The following TAF3 variants were observed in gnomAD, a reference collection of about 807,000 sequenced individuals.
TAF3 encodes the protein transcription initiation factor TFIID subunit 3.
A neutral mutation model predicts 80.6 loss-of-function variants in TAF3; 7 were observed. That is an observed-to-expected ratio of 0.09 (90% confidence interval 0.05 to 0.16). The LOEUF is 0.16. Ranked by LOEUF, TAF3 falls within the 10% of genes least tolerant of loss-of-function variation. The pLI, the probability that TAF3 is intolerant of heterozygous loss-of-function variation, is 1.00. For synonymous variants in TAF3, 444 were observed against 446.1 expected (o/e 1.00, Z 0.06); for missense variants, 921 against 1,140.2 (o/e 0.81, Z 2.77).
chr10:7,916,296 A>G (rs1837711667), intron 2 of TAF3, among the ~76,000 whole-genome samples: 1 of 152,238 alleles, frequency 6.6e-6, no homozygotes, highest in African/African-American at 2.4e-5. Context: ...TAAGTTGCAT[A>G]CATGCATAAA....
intron 2 of TAF3, among the ~76,000 whole-genome samples, chr10:7,899,407 C>T (rs537704491): frequency 1.7e-4 from 26 of 152,290 alleles, no homozygotes; most frequent in African/African-American, 5.5e-4. Context: ...AGGGACCTGG[C>T]GCCTCTGATC....
chr10:7,883,090 A>G (rs1000695204), intron 2 of TAF3, among the ~76,000 whole-genome samples: 8 of 152,222 alleles, frequency 5.3e-5, no homozygotes, highest in Non-Finnish European at 1.0e-4. Context: ...CTGTCATCCA[A>G]TCCACAAGCT....
At position 7,856,294 on chromosome 10, in the gene TAF3, G is replaced by T. The variant is rs188297256; in HGVS notation, c.409+31734G>T. Among the ~76,000 whole-genome samples, 1,245 of 152,178 alleles carry T rather than the reference G, an allele frequency of 8.2e-3. 20 individuals are homozygous for T. The highest frequency in any genetic ancestry group is 0.028 in the African/African-American group (1,165 of 41,520). ...AGTTCGAGACCAGCCTGGCCAGCAT[G>T]GTGAAACCCCGTCTCTACTAAAAAT... On this transcript the variant is annotated intron_variant, in intron 2 of 6. Transcript: ENST00000344293.
chr10:7,986,141 T>TC (rs988915973), intron 4 of TAF3, among the ~76,000 whole-genome samples: 6 of 152,116 alleles, frequency 3.9e-5, no homozygotes, highest in African/African-American at 1.4e-4. Context: ...TTATTTTTTT[T>TC]CCCCCTTCTT....
At chr10:8,001,702 T>C (rs1831944692) in intron 4 of TAF3, among the ~76,000 whole-genome samples, 1 of 152,160 alleles carries the variant, frequency 6.6e-6, no homozygotes, top group Admixed American at 6.5e-5. Flanking sequence ...ATTTTTATGG[T>C]TTTGTTTTCT....
At chr10:7,858,279 A>G (rs1837102939) in intron 2 of TAF3, among the ~76,000 whole-genome samples, 1 of 152,204 alleles carries the variant, frequency 6.6e-6, no homozygotes, top group Admixed American at 6.5e-5. Context: ...GCAGGTCATC[A>G]AAGAAGTGAG....
At chr10:7,879,658 T>A (rs938164621) in intron 2 of TAF3, among the ~76,000 whole-genome samples, 3 of 152,194 alleles carry the variant, frequency 2.0e-5, no homozygotes, top group Admixed American at 2.0e-4. Flanking sequence ...TTTTAGGATA[T>A]TTAGTATTTC....
chr10:7,822,517 T>C (rs1207615920), intron 1 of TAF3, among the ~76,000 whole-genome samples: 1 of 151,912 alleles, frequency 6.6e-6, no homozygotes, highest in Non-Finnish European at 1.5e-5. Context: ...TGCAGAAGTA[T>C]GTGGAGTTAG....
At chr10:7,974,689 C>G (rs1831653436) in intron 3 of TAF3, among the ~76,000 whole-genome samples, 1 of 151,940 alleles carries the variant, frequency 6.6e-6, no homozygotes, top group Non-Finnish European at 1.5e-5. Flanking sequence ...AGAAAACAGA[C>G]AATGAAGTGA....
At chr10:7,986,478 A>G (rs539275099) in intron 4 of TAF3, among the ~76,000 whole-genome samples, 1 of 152,326 alleles carries the variant, frequency 6.6e-6, no homozygotes, top group Non-Finnish European at 1.5e-5. Context: ...GGCAAAAACT[A>G]TCTAATAGAA....
At chr10:7,889,862 T>G (rs762351787) in intron 2 of TAF3, among the ~76,000 whole-genome samples, 7 of 152,156 alleles carry the variant, frequency 4.6e-5, no homozygotes, top group Non-Finnish European at 8.8e-5. Context: ...AAATATTAAA[T>G]TCATATTATT....
chr10:7,986,563 A>G lies in TAF3; in HGVS notation c.2315+9240A>G, dbSNP rs138418184. ...AAAGATAAATGTCTTCTTAGCTCCA[A>G]AAGTTTCCCAAGCTGAACAAAACCA... On this transcript the variant is annotated intron_variant, in intron 4 of 6. Coordinates refer to ENST00000344293, the MANE Select transcript of TAF3 (RefSeq NM_031923.4). 5.7e-4 allele frequency among the ~76,000 whole-genome samples: 87 copies of G among 152,282 alleles called. 1 individual carries two copies. Among genetic ancestry groups the G allele is most frequent in the African/African-American group, 2.0e-3 (83 of 41,554 alleles).
At chr10:7,863,832 G>A (rs1010803576) in intron 2 of TAF3, among the ~76,000 whole-genome samples, 1 of 149,362 alleles carries the variant, frequency 6.7e-6, no homozygotes, top group East Asian at 2.0e-4. Context: ...AGTTTTCAGT[G>A]CATCTCTTAT....
At chr10:7,900,576 C>T (rs778131121) in intron 2 of TAF3, among the ~76,000 whole-genome samples, 9 of 152,032 alleles carry the variant, frequency 5.9e-5, no homozygotes, top group Non-Finnish European at 1.2e-4. Flanking sequence ...CTCCTGTGCC[C>T]CTATAATGTG....
intron 2 of TAF3, among the ~76,000 whole-genome samples, chr10:7,882,539 G>A (rs1837371535): frequency 6.6e-6 from 1 of 152,182 alleles, no homozygotes; most frequent in Admixed American, 6.5e-5. Flanking sequence ...AGGTTTTAGG[G>A]AAATAACATT....
intron 2 of TAF3, among the ~76,000 whole-genome samples, chr10:7,956,927 A>T (rs1281230575): frequency 6.6e-6 from 1 of 152,096 alleles, no homozygotes; most frequent in Non-Finnish European, 1.5e-5. Context: ...GTGATTCTTC[A>T]TGTCTTTAAT....
chr10:7,924,086 A>G (rs1317008230), intron 2 of TAF3, among the ~76,000 whole-genome samples: 1 of 152,214 alleles, frequency 6.6e-6, no homozygotes, highest in Non-Finnish European at 1.5e-5. Flanking sequence ...ATGCCATTCA[A>G]AAGAATGCTT....
intron 2 of TAF3, among the ~76,000 whole-genome samples, chr10:7,877,918 A>G (rs1230307312): frequency 6.6e-6 from 1 of 152,206 alleles, no homozygotes; most frequent in African/African-American, 2.4e-5. Context: ...TGTAACGGCA[A>G]TTCAGATCTC....
At chr10:7,880,765 C>A (rs1216302794) in intron 2 of TAF3, among the ~76,000 whole-genome samples, 2 of 152,128 alleles carry the variant, frequency 1.3e-5, no homozygotes, top group Non-Finnish European at 2.9e-5. Flanking sequence ...CTTACCTACT[C>A]ATCACTAAGC....
Sources: allele counts gnomAD v4.1 joint callset (sites outside exome capture counted in the v4.1 genomes callset), GRCh38; gene constraint gnomAD v4.1.1; transcripts MANE v1.5; gene names NCBI Gene and HGNC (gene_info 2026-07-23, HGNC 2026-07-21).